The following SBF2 variants were observed in gnomAD, a reference collection of about 807,000 sequenced individuals.
The protein encoded by SBF2 is SET binding factor 2, also known as myotubularin-related protein 13.
SBF2 carries 112 observed loss-of-function variants against 225.2 expected under a neutral mutation model. That is an observed-to-expected ratio of 0.50 (90% CI 0.43 to 0.58). SBF2 has a LOEUF of 0.58. SBF2 is among the 20% of genes least tolerant of loss of function. The pLI is 0.00. For synonymous variants in SBF2, 763 were observed against 773.3 expected, an observed-to-expected ratio of 0.99 and a Z score of 0.22; for missense variants, 1,996 against 2,206.2, an observed-to-expected ratio of 0.90 and a Z score of 1.91.
At chr11:9,924,765 T>C (rs72854494) in intron 16 of SBF2, among the ~76,000 whole-genome samples, 22,591 of 151,994 alleles carry the variant, frequency 0.15, 1,854 homozygotes, top group East Asian at 0.39. Context: ...TATTGATTGA[T>C]TGAGACAGGC....
At chr11:10,249,701 C>T (rs572038604) in intron 1 of SBF2, among the ~76,000 whole-genome samples, 1 of 149,816 alleles carries the variant, frequency 6.7e-6, no homozygotes, top group African/African-American at 2.4e-5. Flanking sequence ...CTTTGGAATG[C>T]TATGGGGGAG....
At chr11:10,280,668 C>T (rs904264485) in intron 1 of SBF2, among the ~76,000 whole-genome samples, 1 of 152,174 alleles carries the variant, frequency 6.6e-6, no homozygotes, top group African/African-American at 2.4e-5. Context: ...CTTTATCCTA[C>T]TAAAATTCTG....
intron 19 of SBF2, 29 bp downstream of exon 19, chr11:9,856,429 G>A (rs1376562734): frequency 6.2e-7 from 1 of 1,612,806 alleles, no homozygotes; most frequent in Non-Finnish European, 8.5e-7. Flanking sequence ...AAGAGTAGGA[G>A]GAGGGTCTGT....
At position 9,842,646 on chromosome 11, in the gene SBF2, T is replaced by C; in HGVS notation, c.3235A>G (p.Asn1079Asp). 1 of 1,614,114 alleles carries C rather than the reference T, an allele frequency of 6.2e-7. No homozygotes were observed. Among genetic ancestry groups the C allele is most frequent in the East Asian group, 2.2e-5 (1 of 44,876 alleles). Reference sequence around the variant, plus strand: ...ATACCAGATACATCATCATCTTCATTCCATCCAGGACGATTTACTCTTTCT... The same window carrying C: ...ATACCAGATACATCATCATCTTCATCCCATCCAGGACGATTTACTCTTTCT... Reference protein sequence around the residue: ...VEERVNRPGWNEDDDVSVSDE... With the variant: ...VEERVNRPGWDEDDDVSVSDE... Residue 1079 changes from asparagine (N) to aspartate (D), a missense_variant, in exon 25 of 40, where the codon AAT becomes GAT. Transcript: ENST00000256190.
At chr11:9,900,475 A>C (rs1417382615) in intron 16 of SBF2, among the ~76,000 whole-genome samples, 15 of 152,016 alleles carry the variant, frequency 9.9e-5, no homozygotes, top group Admixed American at 9.8e-4. Flanking sequence ...ACTCTCTTTA[A>C]ATTAGCCAAT....
intron 2 of SBF2, among the ~76,000 whole-genome samples, chr11:10,075,485 G>A (rs991595826): frequency 5.9e-5 from 9 of 152,202 alleles, no homozygotes; most frequent in South Asian, 2.1e-4. Context: ...GATCCCAAGT[G>A]TTGAAGGTGG....
Position 9,790,431 on chromosome 11 carries a change from AG to A in SBF2, c.4698+124del, listed in dbSNP as rs1246162811. On this transcript the variant is annotated intron_variant, in intron 34 of 39. Transcript: ENST00000256190. ...CCTATAGTGTCTCAAACTTTGAAAT[AG>A]CTTTTTGGTATGAAACCTAGTCCAA... 1.3e-5 allele frequency: 10 copies of A among 777,520 alleles called. No individual in the cohort carries two copies. The African/African-American group carries it at 1.6e-4, about 12-fold the overall frequency. 48.2% of individuals were successfully genotyped at this position (777,520 alleles called of 1,614,324 possible). A position where few individuals can be genotyped will look rare whatever the true frequency, so the allele number is the denominator to read the frequency against.
chr11:10,183,141 A>C (rs895879751), intron 2 of SBF2, among the ~76,000 whole-genome samples: 1 of 152,056 alleles, frequency 6.6e-6, no homozygotes, highest in African/African-American at 2.4e-5. Flanking sequence ...CACATTTTCT[A>C]ATATACCCAA....
intron 1 of SBF2, 77 bp from the exon 2 acceptor site, chr11:10,194,064 C>A (rs934371858): frequency 1.0e-6 from 1 of 958,340 alleles, no homozygotes; most frequent in African/African-American, 1.6e-5. Context: ...TTACTTATTT[C>A]TAAATGAATA....
chr11:9,945,972 T>C (rs1347853585), intron 16 of SBF2, among the ~76,000 whole-genome samples: 1 of 152,136 alleles, frequency 6.6e-6, no homozygotes, highest in Non-Finnish European at 1.5e-5. Flanking sequence ...GGAATGCTTA[T>C]ACTTTGCTGG....
chr11:10,253,468 G>A (rs185290493), intron 1 of SBF2, among the ~76,000 whole-genome samples: 17 of 152,126 alleles, frequency 1.1e-4, no homozygotes, highest in Admixed American at 9.2e-4. Context: ...GCTTGGAAAC[G>A]CTTTTCTTAA....
At chr11:10,070,462 T>C (rs528413178) in intron 2 of SBF2, among the ~76,000 whole-genome samples, 53 of 152,316 alleles carry the variant, frequency 3.5e-4, no homozygotes, top group Non-Finnish European at 6.3e-4. Context: ...ACAGATCAGA[T>C]GGTTGTAGGT....
intron 9 of SBF2, among the ~76,000 whole-genome samples, chr11:9,994,737 TA>T (rs1036769245): frequency 2.6e-5 from 4 of 152,108 alleles, no homozygotes; most frequent in African/African-American, 7.2e-5. Context: ...TAAGTGTAAT[TA>T]AAAATTACTG....
intron 17 of SBF2, among the ~76,000 whole-genome samples, chr11:9,883,853 T>G (rs1338855486): frequency 2.0e-5 from 3 of 152,098 alleles, no homozygotes; most frequent in African/African-American, 7.2e-5. Flanking sequence ...AAAGGGGCCC[T>G]AAGTTATTTT....
intron 1 of SBF2, among the ~76,000 whole-genome samples, chr11:10,257,980 A>C (rs1233113902): frequency 6.6e-6 from 1 of 152,046 alleles, no homozygotes; most frequent in Non-Finnish European, 1.5e-5. Flanking sequence ...AGTAAAAATA[A>C]ATTTAAAACA....
chr11:9,884,481 T>C (rs189600618), intron 17 of SBF2, among the ~76,000 whole-genome samples: 15 of 152,358 alleles, frequency 9.8e-5, no homozygotes, highest in African/African-American at 3.6e-4. Flanking sequence ...GCATTAGGAA[T>C]TCCTACTATA....
intron 16 of SBF2, chr11:9,958,339 C>T (rs1404203571): frequency 6.6e-6 from 1 of 151,650 alleles, no homozygotes; most frequent in Admixed American, 6.6e-5. Flanking sequence ...TTAAAAAGAC[C>T]CTCATATTCC....
Position 9,980,356 on chromosome 11 carries a change from G to A in SBF2, c.1395+9141C>T, listed in dbSNP as rs191424049. Among the ~76,000 whole-genome samples, 571 of 146,164 alleles carry A rather than the reference G, an allele frequency of 3.9e-3. 4 individuals carry two copies. Among genetic ancestry groups the A allele is most frequent in the South Asian group, 6.1e-3 (28 of 4,606 alleles). On this transcript the variant is annotated intron_variant, in intron 13 of 39. Transcript: ENST00000256190. ...TCACTATATTACCCAGGCTGGTCTC[G>A]AACTCCTAGCCCCAAGCAATCCTCC...
intron 6 of SBF2, among the ~76,000 whole-genome samples, chr11:10,023,503 C>A (rs748948928): frequency 5.3e-5 from 8 of 152,122 alleles, no homozygotes; most frequent in Non-Finnish European, 7.4e-5. Flanking sequence ...TCAAAAGAAA[C>A]CCCACACCCA....
Sources: gnomAD v4.1 joint callset for allele counts (sites outside exome capture counted in the v4.1 genomes callset) on GRCh38, gnomAD v4.1.1 for gene constraint, MANE v1.5 for transcripts, NCBI Gene and HGNC (gene_info 2026-07-23, HGNC 2026-07-21) for gene names.